The following CSGALNACT1 variants were observed in gnomAD, a reference collection of about 807,000 sequenced individuals.
CSGALNACT1 encodes the protein beta4GalNAcT-1.
A neutral mutation model predicts 51.0 loss-of-function variants in CSGALNACT1; 52 were observed. The observed-to-expected ratio is 1.02, with a 90% CI of 0.82 to 1.29. The LOEUF is 1.29. Ranked by LOEUF, CSGALNACT1 falls within the 50% of genes most tolerant of loss-of-function variation. CSGALNACT1 has a pLI of 0.00. For synonymous variants in CSGALNACT1, 341 were observed against 254.4 expected, an observed-to-expected ratio of 1.34 and a Z score of -3.24; for missense variants, 935 against 679.2, an observed-to-expected ratio of 1.38 and a Z score of -4.19.
chr8:19,494,833 G>C (rs558916310), intron 4 of CSGALNACT1, among the ~76,000 whole-genome samples: 41 of 139,176 alleles, frequency 2.9e-4, no homozygotes, highest in Non-Finnish European at 4.8e-4. Context: ...TCCAACGTTA[G>C]AAAGTCCATT....
intron 1 of CSGALNACT1, among the ~76,000 whole-genome samples, chr8:19,750,192 TC>T (rs2064942897): frequency 1.3e-5 from 2 of 152,184 alleles, no homozygotes; most frequent in African/African-American, 4.8e-5. Context: ...CAAACCTTAT[TC>T]TACACCATAG....
chr8:19,451,227 G>A (rs984645432), intron 5 of CSGALNACT1, among the ~76,000 whole-genome samples: 1 of 152,082 alleles, frequency 6.6e-6, no homozygotes, highest in African/African-American at 2.4e-5. Flanking sequence ...AACAGCTGGA[G>A]GACTCTGGCC....
intron 3 of CSGALNACT1, among the ~76,000 whole-genome samples, chr8:19,584,801 C>A (rs1367768376): frequency 6.6e-6 from 1 of 152,150 alleles, no homozygotes; most frequent in Non-Finnish European, 1.5e-5. Flanking sequence ...TATAAAGCAT[C>A]TCTTTATGAT....
chr8:19,489,857 G>C (rs1020884531), intron 4 of CSGALNACT1, among the ~76,000 whole-genome samples: 158 of 152,296 alleles, frequency 1.0e-3, no homozygotes, highest in African/African-American at 3.5e-3. Flanking sequence ...AAGCCAAGCT[G>C]AGCTGACATC....
At chr8:19,486,400 C>T (rs1343132107) in intron 4 of CSGALNACT1, among the ~76,000 whole-genome samples, 1 of 152,150 alleles carries the variant, frequency 6.6e-6, no homozygotes, top group Non-Finnish European at 1.5e-5. Flanking sequence ...ACTGGGTCTT[C>T]CCATCTCACT....
At chr8:19,753,126 TGCTAGCTG>T (rs1339476161) in intron 1 of CSGALNACT1, among the ~76,000 whole-genome samples, 2 of 152,174 alleles carry the variant, frequency 1.3e-5, no homozygotes, top group African/African-American at 4.8e-5. Flanking sequence ...CCATGGCCTT[TGCTAGCTG>T]GGGGTTTGAG....
At chr8:19,478,318 G>C (rs2070350709) in intron 4 of CSGALNACT1, among the ~76,000 whole-genome samples, 1 of 150,794 alleles carries the variant, frequency 6.6e-6, no homozygotes, top group African/African-American at 2.4e-5. Context: ...GGAGGCTGAG[G>C]CAGGAGAATG....
At chr8:19,503,661 T>C (rs561238277) in intron 4 of CSGALNACT1, among the ~76,000 whole-genome samples, 1 of 152,314 alleles carries the variant, frequency 6.6e-6, no homozygotes, top group Admixed American at 6.5e-5. Context: ...TAAAGTACTA[T>C]AAAATGTGAT....
rs773468485 is a variant in CSGALNACT1 at position 19,505,181 on chromosome 8, C to A, written c.634+20G>T. 6.2e-7 allele frequency: 1 copy of A among 1,614,024 alleles called. No individual in the cohort carries two copies. Among genetic ancestry groups the A allele is most frequent in the Non-Finnish European group, 8.5e-7 (1 of 1,179,932 alleles). ...CAATTCCTTTTCTTCTCCTTTCCCC[C>A]CAATTCACAAAATGCTAACCTTCTA... On this transcript the variant is annotated intron_variant, in intron 4 of 9. Coordinates refer to ENST00000454498, the Ensembl canonical transcript of CSGALNACT1.
chr8:19,681,657 C>G (rs1324004137), intron 1 of CSGALNACT1, among the ~76,000 whole-genome samples: 3 of 152,164 alleles, frequency 2.0e-5, no homozygotes, highest in South Asian at 2.1e-4. Flanking sequence ...AGTGCCTGAC[C>G]TCGGCACTTG....
intron 1 of CSGALNACT1, among the ~76,000 whole-genome samples, chr8:19,667,942 G>A (rs534719355): frequency 6.6e-6 from 1 of 152,224 alleles, no homozygotes; most frequent in East Asian, 1.9e-4. Context: ...GAATTAAAGC[G>A]CAGATCACAA....
intron 3 of CSGALNACT1, among the ~76,000 whole-genome samples, chr8:19,540,954 A>C (rs1443055354): frequency 6.6e-6 from 1 of 152,168 alleles, no homozygotes; most frequent in African/African-American, 2.4e-5. Flanking sequence ...AACACTCTCC[A>C]AGCCCCTACC....
chr8:19,581,702 A>G (rs2045608496), intron 3 of CSGALNACT1, among the ~76,000 whole-genome samples: 1 of 152,246 alleles, frequency 6.6e-6, no homozygotes, highest in South Asian at 2.1e-4. Context: ...ATGAACATGT[A>G]AAATACATCA....
intron 1 of CSGALNACT1, among the ~76,000 whole-genome samples, chr8:19,732,177 C>T (rs1479536708): frequency 6.6e-6 from 1 of 152,174 alleles, no homozygotes; most frequent in Non-Finnish European, 1.5e-5. Flanking sequence ...GGCACGTTAT[C>T]AAATAAACTA....
At chr8:19,612,675 T>C (rs2052430075) in intron 1 of CSGALNACT1, among the ~76,000 whole-genome samples, 1 of 152,004 alleles carries the variant, frequency 6.6e-6, no homozygotes, top group African/African-American at 2.4e-5. Context: ...TCTCCTTGTG[T>C]AGCTTCCGAC....
At position 19,437,442 on chromosome 8, in the gene CSGALNACT1, G is replaced by C. The variant is rs190880605; in HGVS notation, c.953+2388C>G. Among the ~76,000 whole-genome samples the C allele has an allele frequency of 1.1e-3, 173 of 152,142 alleles. 4 individuals are homozygous for C. In the South Asian group the frequency reaches 0.019, roughly 16 times the overall value. On this transcript the variant is annotated intron_variant, in intron 6 of 9. Coordinates refer to ENST00000454498, the Ensembl canonical transcript of CSGALNACT1. ...AAGATTGATCTGGAAGGTAGAGTGT[G>C]GTATGGTACTGTGAAGTCAACTCAG...
intron 3 of CSGALNACT1, among the ~76,000 whole-genome samples, chr8:19,574,511 G>C (rs907592620): frequency 2.6e-5 from 4 of 152,126 alleles, no homozygotes; most frequent in African/African-American, 9.7e-5. Context: ...GCCTCATTTT[G>C]CACAACAAAT....
chr8:19,721,064 C>A (rs2063100422), intron 1 of CSGALNACT1, among the ~76,000 whole-genome samples: 2 of 152,172 alleles, frequency 1.3e-5, no homozygotes, highest in African/African-American at 4.8e-5. Flanking sequence ...AATCAGTGAC[C>A]AAACAGTATA....
chr8:19,704,025 A>G (rs138034256), intron 1 of CSGALNACT1, among the ~76,000 whole-genome samples: 1 of 152,308 alleles, frequency 6.6e-6, no homozygotes, highest in Admixed American at 6.5e-5. Context: ...CAGTAAGCCT[A>G]ACACACTACA....
Sources: allele counts gnomAD v4.1 joint callset (sites outside exome capture counted in the v4.1 genomes callset), GRCh38; gene constraint gnomAD v4.1.1; transcripts MANE v1.5; gene names NCBI Gene and HGNC (gene_info 2026-07-23, HGNC 2026-07-21).